The following MITF variants were observed in gnomAD, a reference collection of about 807,000 sequenced individuals.
MITF encodes microphthalmia-associated transcription factor.
Under a neutral mutation model 60.5 loss-of-function variants are expected in MITF, and 17 were observed. The observed-to-expected ratio is 0.28, with a 90% CI of 0.19 to 0.42. MITF has a LOEUF of 0.42. Ranked by LOEUF, MITF falls within the 10% of genes least tolerant of loss-of-function variation. MITF has a pLI of 1.00. For missense variants in MITF, 622 were observed against 683.5 expected (o/e 0.91, Z 1.00); for synonymous variants, 260 against 248.5 (o/e 1.05, Z -0.43).
At chr3:69,867,712 A>G (rs1373357457) in intron 1 of MITF, among the ~76,000 whole-genome samples, 2 of 152,218 alleles carry the variant, frequency 1.3e-5, no homozygotes, top group Non-Finnish European at 2.9e-5. Flanking sequence ...TAATTTTTTA[A>G]TATTAATAAT....
intron 2 of MITF, among the ~76,000 whole-genome samples, chr3:69,894,053 A>C (rs1308905410): frequency 6.6e-6 from 1 of 152,246 alleles, no homozygotes; most frequent in East Asian, 1.9e-4. Flanking sequence ...TTAAACTTTC[A>C]CTTATAAGCT....
Position 69,949,062 on chromosome 3 carries a change from G to T in MITF, c.774G>T (p.Ser258=), listed in dbSNP as rs1021664094. The T allele has an allele frequency of 6.2e-7, 1 of 1,613,064 alleles. No individual in the cohort carries two copies. The highest frequency in any genetic ancestry group is 1.1e-5 in the South Asian group (1 of 91,030). ...TTGTCTCTCTCTAGTTGCCTGTCTC[G>T]GGAAACTTGATTGATCTTTATGGAA... ...ALQMANTLPV[S]GNLIDLYGNQ... is the part of the protein sequence containing the mutation. Residue 258 remains serine (S), a synonymous_variant, in exon 6 of 10, where the codon TCG becomes TCT. Transcript: ENST00000352241.
intron 1 of MITF, among the ~76,000 whole-genome samples, chr3:69,792,448 G>A (rs2062755428): frequency 6.6e-6 from 1 of 151,030 alleles, no homozygotes; most frequent in African/African-American, 2.4e-5. Flanking sequence ...TTCATTATAT[G>A]ATTTTTTTTT....
intron 1 of MITF, among the ~76,000 whole-genome samples, chr3:69,764,318 CCTT>C (rs1351865416): frequency 6.6e-6 from 1 of 152,178 alleles, no homozygotes; most frequent in Non-Finnish European, 1.5e-5. Flanking sequence ...CTGCAGTTGT[CCTT>C]CTGTCATTCT....
At chr3:69,764,781 T>C (rs2062264376) in intron 1 of MITF, among the ~76,000 whole-genome samples, 1 of 152,254 alleles carries the variant, frequency 6.6e-6, no homozygotes, top group South Asian at 2.1e-4. Context: ...ATTTGTTTGT[T>C]CAGAGCCTTT....
In MITF at chr3:69,967,176, A is replaced by T. The variant is rs2066709475; in HGVS notation, c.*1928A>T. Reference sequence around the variant, plus strand: ...GAAAATAATCAACTGCATAGTTCCCATGCACGCTGGGCAATGAGAATCCTT... The same window carrying T: ...GAAAATAATCAACTGCATAGTTCCCTTGCACGCTGGGCAATGAGAATCCTT... On this transcript the variant is annotated 3_prime_UTR_variant, in exon 10 of 10. Transcript: ENST00000352241. The T allele has an allele frequency of 8.6e-6, 2 of 232,330 alleles. No individual in the cohort carries two copies. The highest frequency in any genetic ancestry group is 5.6e-5 in the Admixed American group (1 of 17,744). The allele number at this position is 232,330 out of a possible 1,614,324, so 14.4% of individuals were successfully genotyped here.
intron 1 of MITF, among the ~76,000 whole-genome samples, chr3:69,853,818 A>T (rs1279928471): frequency 6.7e-6 from 1 of 149,442 alleles, no homozygotes; most frequent in African/African-American, 2.5e-5. Context: ...ATGTGTAGTG[A>T]TGCATTGTGT....
chr3:69,912,786 T>C (rs1262606158), intron 2 of MITF, among the ~76,000 whole-genome samples: 1 of 152,158 alleles, frequency 6.6e-6, no homozygotes, highest in Admixed American at 6.6e-5. Context: ...GGGCTGCATC[T>C]CTCAACATGG....
At chr3:69,867,695 A>ATG (rs78118117) in intron 1 of MITF, among the ~76,000 whole-genome samples, 2,634 of 152,262 alleles carry the variant, frequency 0.017, 75 homozygotes, top group African/African-American at 0.059. Flanking sequence ...AATATACTCT[A>ATG]ACTTACTAAT....
intron 1 of MITF, among the ~76,000 whole-genome samples, chr3:69,863,238 G>A (rs1488194071): frequency 1.3e-5 from 2 of 152,144 alleles, no homozygotes; most frequent in African/African-American, 2.4e-5. Context: ...GACTTGAGGA[G>A]CAGTATTTTA....
chr3:69,820,001 G>A (rs973154411), intron 1 of MITF, among the ~76,000 whole-genome samples: 1 of 152,046 alleles, frequency 6.6e-6, no homozygotes, highest in Non-Finnish European at 1.5e-5. Context: ...AAAAGCTAGA[G>A]TTAGAGCATT....
chr3:69,869,243 A>G (rs561896365), intron 1 of MITF, among the ~76,000 whole-genome samples: 1 of 152,302 alleles, frequency 6.6e-6, no homozygotes, highest in Admixed American at 6.5e-5. Flanking sequence ...AAAACATGTA[A>G]ACATCTCTGC....
intron 9 of MITF, among the ~76,000 whole-genome samples, chr3:69,962,966 G>T (rs2066587734): frequency 6.6e-6 from 1 of 152,182 alleles, no homozygotes; most frequent in Non-Finnish European, 1.5e-5. Flanking sequence ...TCCTTGGCTT[G>T]TAGATGCCTG....
At chr3:69,815,522 T>G (rs2063167885) in intron 1 of MITF, among the ~76,000 whole-genome samples, 1 of 152,226 alleles carries the variant, frequency 6.6e-6, no homozygotes, top group African/African-American at 2.4e-5. Context: ...ATTTTCTTAA[T>G]AACATTTTCT....
chr3:69,840,487 G>T (rs1045845727), intron 1 of MITF, among the ~76,000 whole-genome samples: 2 of 151,778 alleles, frequency 1.3e-5, no homozygotes, highest in Non-Finnish European at 2.9e-5. Flanking sequence ...ATGTGATGGA[G>T]ATTGGCACCT....
Position 69,965,863 on chromosome 3 carries a change from A to C in MITF, c.*615A>C. ...TGAGGATCGTCTGGTTAGAAAACAT[A>C]ACTGATACCAACCGAAACTGAAGGG... is the stretch of plus-strand genomic sequence containing the variant. On this transcript the variant is annotated 3_prime_UTR_variant, in exon 10 of 10. Transcript: ENST00000352241. 4.3e-6 allele frequency: 1 copy of C among 231,230 alleles called. No homozygotes were observed. Among genetic ancestry groups the C allele is most frequent in the East Asian group, 6.2e-5 (1 of 16,166 alleles). 14.3% of individuals were successfully genotyped at this position (231,230 alleles called of 1,614,324 possible). A position where few individuals can be genotyped will look rare whatever the true frequency, so the allele number is the denominator to read the frequency against.
chr3:69,933,219 T>C (rs186713228), intron 2 of MITF, among the ~76,000 whole-genome samples: 19 of 151,906 alleles, frequency 1.3e-4, no homozygotes, highest in Admixed American at 3.3e-4. Flanking sequence ...ATAAATAAAC[T>C]AAAAGGATTA....
intron 2 of MITF, among the ~76,000 whole-genome samples, chr3:69,912,788 TC>T (rs1348693941): frequency 1.3e-5 from 2 of 152,170 alleles, no homozygotes; most frequent in African/African-American, 4.8e-5. Flanking sequence ...GCTGCATCTC[TC>T]AACATGGAAA....
At chr3:69,895,974 C>G (rs954220860) in intron 2 of MITF, among the ~76,000 whole-genome samples, 1 of 151,722 alleles carries the variant, frequency 6.6e-6, no homozygotes, top group African/African-American at 2.4e-5. Context: ...CCCTATTTAC[C>G]TCCCTCCCTC....
Sources: allele counts gnomAD v4.1 joint callset (sites outside exome capture counted in the v4.1 genomes callset), GRCh38; gene constraint gnomAD v4.1.1; transcripts MANE v1.5; gene names NCBI Gene and HGNC (gene_info 2026-07-23, HGNC 2026-07-21).